Variants in DPYSL2 observed in about 807,000 individuals in gnomAD.
The protein encoded by DPYSL2 is dihydropyrimidinase like 2.
Under a neutral mutation model 69.9 loss-of-function variants are expected in DPYSL2, and 13 were observed. That is an observed-to-expected ratio of 0.19 (90% CI 0.12 to 0.30). The LOEUF is 0.30. Ranked by LOEUF, DPYSL2 falls within the 10% of genes least tolerant of loss-of-function variation. The pLI, the probability that DPYSL2 is intolerant of heterozygous loss-of-function variation, is 1.00. For synonymous variants in DPYSL2, 326 were observed against 359.1 expected (o/e 0.91, Z 1.04); for missense variants, 587 against 918.9 (o/e 0.64, Z 4.67).
At position 26,643,566 on chromosome 8, in the gene DPYSL2, T is replaced by A; in HGVS notation, c.1254T>A (p.Thr418=). Reference sequence around the variant, plus strand: ...CACCCTTGAGCCCTGATCCAACCACTCCAGACTTTCTCAACTCCTTGCTGT... The same window carrying A: ...CACCCTTGAGCCCTGATCCAACCACACCAGACTTTCTCAACTCCTTGCTGT... ...TSPPLSPDPT[T]PDFLNSLLSC... is the part of the protein sequence containing the mutation. The change falls in exon 9 of 14, where the codon ACT becomes ACA. Residue 418 remains threonine (T), a synonymous_variant. Coordinates refer to ENST00000521913, the MANE Select transcript of DPYSL2 (RefSeq NM_001197293.3). The surrounding 1 kb of genome is among the most constrained non-coding windows in gnomAD (Gnocchi z 6.5). The A allele has an allele frequency of 6.2e-7, 1 of 1,614,136 alleles. No individual in the cohort carries two copies. Among genetic ancestry groups the A allele is most frequent in the Non-Finnish European group, 8.5e-7 (1 of 1,180,008 alleles).
intron 1 of DPYSL2, among the ~76,000 whole-genome samples, chr8:26,577,657 C>T (rs1422880063): frequency 1.3e-5 from 2 of 150,870 alleles, no homozygotes; most frequent in Admixed American, 1.3e-4. Flanking sequence ...GTGGCCCAGG[C>T]CGCGCCTGGG....
In DPYSL2 at chr8:26,514,065, C is replaced by A. The variant is rs1303102604; in HGVS notation, c.-261C>A. On this transcript the variant is annotated 5_prime_UTR_variant, in exon 1 of 14. Coordinates refer to ENST00000521913, the MANE Select transcript of DPYSL2 (RefSeq NM_001197293.3). The surrounding 1 kb of genome is among the most constrained non-coding windows in gnomAD (Gnocchi z 8.4). Reference sequence around the variant, plus strand: ...CCCGCAGCCGCAGCGGACGCCCTCCCAGATCCAACTTTGCCGCTTCCCCGA... The same window carrying A: ...CCCGCAGCCGCAGCGGACGCCCTCCAAGATCCAACTTTGCCGCTTCCCCGA... The A allele has an allele frequency of 2.1e-5, 7 of 336,178 alleles. No individual in the cohort carries two copies. Among genetic ancestry groups the A allele is most frequent in the Admixed American group, 2.0e-4 (4 of 20,244 alleles). The allele number at this position is 336,178 out of a possible 1,614,324, so 20.8% of individuals were successfully genotyped here.
In DPYSL2 at chr8:26,648,828, C is replaced by T. The variant is rs1160190548; in HGVS notation, c.1596+1028C>T. Among the ~76,000 whole-genome samples, 1 of 152,244 alleles carries T rather than the reference C, an allele frequency of 6.6e-6. No homozygotes were observed. Among genetic ancestry groups the T allele is most frequent in the Non-Finnish European group, 1.5e-5 (1 of 68,028 alleles). On this transcript the variant is annotated intron_variant, in intron 11 of 13. Transcript: ENST00000521913. The surrounding 1 kb of genome is among the most constrained non-coding windows in gnomAD (Gnocchi z 4.3). ...GTTTGGGCTGCAATGGGCTCAGGCT[C>T]AGCTCTGGCTTCTGCCACCTGTGAG...
intron 1 of DPYSL2, among the ~76,000 whole-genome samples, chr8:26,561,840 G>T (rs1406989707): frequency 6.6e-6 from 1 of 152,136 alleles, no homozygotes; most frequent in Non-Finnish European, 1.5e-5. Flanking sequence ...AGGAGGTGGA[G>T]CTCAGGCGGT....
At position 26,571,948 on chromosome 8, in the gene DPYSL2, A is replaced by G. The variant is rs1801242943; in HGVS notation, c.355-10021A>G. Reference sequence around the variant, plus strand: ...GTGAAGAAGGCATCACTTCCAGCTCAAGTGTCCTAGTCAATGCCCTTTGTT... The same window carrying G: ...GTGAAGAAGGCATCACTTCCAGCTCGAGTGTCCTAGTCAATGCCCTTTGTT... On this transcript the variant is annotated intron_variant, in intron 1 of 13. Transcript: ENST00000521913. This position sits in a 1 kb window ranked among gnomAD's most constrained non-coding sequence, Gnocchi z 6.1. Among the ~76,000 whole-genome samples, 1 of 152,200 alleles carries G rather than the reference A, an allele frequency of 6.6e-6. No homozygotes were observed. The highest frequency in any genetic ancestry group is 1.5e-5 in the Non-Finnish European group (1 of 68,038).
At position 26,627,741 on chromosome 8, in the gene DPYSL2, G is replaced by C; in HGVS notation, c.937-131G>C. 1.1e-6 allele frequency: 1 copy of C among 874,040 alleles called. No homozygotes were observed. Among genetic ancestry groups the C allele is most frequent in the Admixed American group, 2.1e-5 (1 of 48,706 alleles). 54.1% of individuals were successfully genotyped at this position (874,040 alleles called of 1,614,324 possible). A position where few individuals can be genotyped will look rare whatever the true frequency, so the allele number is the denominator to read the frequency against. On this transcript the variant is annotated intron_variant, in intron 6 of 13. Coordinates refer to ENST00000521913, the MANE Select transcript of DPYSL2 (RefSeq NM_001197293.3). The surrounding 1 kb of genome is among the most constrained non-coding windows in gnomAD (Gnocchi z 6.9). Reference sequence around the variant, plus strand: ...TGAACCCTTCTCTTCATGAGGTCTTGGGATGAGGGCAGAACGATCGGCAGT... The same window carrying C: ...TGAACCCTTCTCTTCATGAGGTCTTCGGATGAGGGCAGAACGATCGGCAGT...
intron 1 of DPYSL2, among the ~76,000 whole-genome samples, chr8:26,526,744 A>C (rs1301918002): frequency 1.3e-5 from 2 of 152,232 alleles, no homozygotes; most frequent in African/African-American, 2.4e-5. Context: ...CAGGAACACA[A>C]CTGTAGTCGA....
At position 26,644,236 on chromosome 8, in the gene DPYSL2, G is replaced by T; in HGVS notation, c.1425+145G>T. The T allele has an allele frequency of 1.0e-6, 1 of 976,602 alleles. No individual in the cohort carries two copies. The highest frequency in any genetic ancestry group is 1.4e-6 in the Non-Finnish European group (1 of 701,170). The allele number at this position is 976,602 out of a possible 1,614,324, so 60.5% of individuals were successfully genotyped here. On this transcript the variant is annotated intron_variant, in intron 10 of 13. Transcript: ENST00000521913. The surrounding 1 kb of genome is among the most constrained non-coding windows in gnomAD (Gnocchi z 4.5). ...AGTACTTATATGACAATATTTCTGA[G>T]GGTTGGAAATCTAAGACCTCTTCTA... is the stretch of plus-strand genomic sequence containing the variant.
chr8:26,578,214 T>C (rs1801404838), intron 1 of DPYSL2: 1 of 1,613,034 alleles, frequency 6.2e-7, no homozygotes, highest in Non-Finnish European at 8.5e-7. Flanking sequence ...GTTTTTGCCT[T>C]AAAGCTGCCC....
At chr8:26,544,430 A>T (rs1800732304) in intron 1 of DPYSL2, among the ~76,000 whole-genome samples, 1 of 152,250 alleles carries the variant, frequency 6.6e-6, no homozygotes. Flanking sequence ...ATATTTACAA[A>T]GTGTGTTCTT....
In DPYSL2 at chr8:26,580,010, A is replaced by G. The variant is rs1169840621; in HGVS notation, c.355-1959A>G. On this transcript the variant is annotated intron_variant, in intron 1 of 13. Transcript: ENST00000521913. This position sits in a 1 kb window ranked among gnomAD's most constrained non-coding sequence, Gnocchi z 4.1. ...GTTGCATTATCATAGGACCTATAGCATGGTATTCCTCCCTCCCTCACCACT... is the reference window on the plus strand; with the variant it reads ...GTTGCATTATCATAGGACCTATAGCGTGGTATTCCTCCCTCCCTCACCACT... 1.4e-5 allele frequency among the ~76,000 whole-genome samples: 2 copies of G among 142,948 alleles called. No individual in the cohort carries two copies. Among genetic ancestry groups the G allele is most frequent in the Admixed American group, 7.2e-5 (1 of 13,870 alleles). The allele number at this position is 142,948 out of a possible 152,430, so 93.8% of individuals were successfully genotyped here.
rs751569597 is a variant in DPYSL2, at chr8:26,634,882, G to T, written c.1108G>T (p.Ala370Ser). Reference protein sequence around the residue: ...VMSKSSAEVIAQARKKGTVVY... With the variant: ...VMSKSSAEVISQARKKGTVVY... Reference sequence around the variant, plus strand: ...GAGCAAAAGCTCTGCTGAGGTCATCGCCCAGGCACGGAAGAAGGGTGAGTG... The same window carrying T: ...GAGCAAAAGCTCTGCTGAGGTCATCTCCCAGGCACGGAAGAAGGGTGAGTG... The change falls in exon 8 of 14, where the codon GCC becomes TCC. Residue 370 changes from alanine (A) to serine (S), a missense_variant. Transcript: ENST00000521913. 4 of 1,614,208 alleles carry T rather than the reference G, an allele frequency of 2.5e-6. No individual in the cohort carries two copies. The Admixed American group carries it at 6.7e-5, about 27-fold the overall frequency.
chr8:26,573,723 G>A (rs1277598469), intron 1 of DPYSL2, among the ~76,000 whole-genome samples: 1 of 148,962 alleles, frequency 6.7e-6, no homozygotes, highest in Non-Finnish European at 1.5e-5. Context: ...TGTAATCCCA[G>A]CTACTCGGGA....
At chr8:26,584,064 T>A in intron 3 of DPYSL2, 81 bp downstream of exon 3, 1 of 1,443,314 alleles carries the variant, frequency 6.9e-7, no homozygotes, top group Non-Finnish European at 9.5e-7. Context: ...ATTCTCTCCT[T>A]CTAAAACTTG....
chr8:26,578,917 G>A (rs1801422392), intron 1 of DPYSL2, among the ~76,000 whole-genome samples: 1 of 151,626 alleles, frequency 6.6e-6, no homozygotes, highest in African/African-American at 2.4e-5. Context: ...CGGGGGGCAA[G>A]GCGGGGGCTT....
In DPYSL2 at chr8:26,641,080, T is replaced by C. The variant is rs938931102; in HGVS notation, c.1127-2359T>C. Among the ~76,000 whole-genome samples the C allele has an allele frequency of 9.9e-5, 15 of 152,160 alleles. No homozygotes were observed. The highest frequency in any genetic ancestry group is 1.0e-4 in the Non-Finnish European group (7 of 68,022). ...CTGTGGTCAGCAGCATTCATCCCCA[T>C]GGTATTCAGGCCACTTTCCAAGAAC... On this transcript the variant is annotated intron_variant, in intron 8 of 13. Transcript: ENST00000521913. The surrounding 1 kb of genome is among the most constrained non-coding windows in gnomAD (Gnocchi z 4.1).
chr8:26,589,939 A>T (rs1801687200), intron 3 of DPYSL2, among the ~76,000 whole-genome samples: 1 of 152,142 alleles, frequency 6.6e-6, no homozygotes, highest in Admixed American at 6.5e-5. Flanking sequence ...TGGAGGCAGG[A>T]GGGCTGGGAG....
Position 26,610,950 on chromosome 8 carries a change from T to A in DPYSL2, c.629-13193T>A, listed in dbSNP as rs1738406759. Among the ~76,000 whole-genome samples the A allele has an allele frequency of 6.6e-6, 1 of 152,132 alleles. No individual in the cohort carries two copies. Among genetic ancestry groups the A allele is most frequent in the Non-Finnish European group, 1.5e-5 (1 of 68,018 alleles). On this transcript the variant is annotated intron_variant, in intron 3 of 13. Coordinates refer to ENST00000521913, the MANE Select transcript of DPYSL2 (RefSeq NM_001197293.3). The surrounding 1 kb of genome is among the most constrained non-coding windows in gnomAD (Gnocchi z 4.5). Reference sequence around the variant, plus strand: ...CCTGACAGGGTAAGGAGTCCTAAGGTTCTGTAGCTAGCCATGGTAGAGCTG... The same window carrying A: ...CCTGACAGGGTAAGGAGTCCTAAGGATCTGTAGCTAGCCATGGTAGAGCTG...
rs900992026 is a variant in DPYSL2, at chr8:26,621,933, G to A, written c.629-2210G>A. Reference sequence around the variant, plus strand: ...AGGATTTAATAAGGGGAATGGCAGTGTTTGATGAAAGGTTTAAGATCCTTC... The same window carrying A: ...AGGATTTAATAAGGGGAATGGCAGTATTTGATGAAAGGTTTAAGATCCTTC... On this transcript the variant is annotated intron_variant, in intron 3 of 13. Transcript: ENST00000521913. This position sits in a 1 kb window ranked among gnomAD's most constrained non-coding sequence, Gnocchi z 4.9. 6.6e-6 allele frequency among the ~76,000 whole-genome samples: 1 copy of A among 152,226 alleles called. No individual in the cohort carries two copies. The highest frequency in any genetic ancestry group is 1.5e-5 in the Non-Finnish European group (1 of 68,044).
Sources: allele counts gnomAD v4.1 joint callset (sites outside exome capture counted in the v4.1 genomes callset), GRCh38; gene constraint gnomAD v4.1.1; non-coding constraint Gnocchi (gnomAD v3.1); transcripts MANE v1.5; gene names NCBI Gene and HGNC (gene_info 2026-07-23, HGNC 2026-07-21).